Variants in DACH1 observed in about 807,000 individuals in gnomAD.
The protein encoded by DACH1 is dachshund homolog 1.
In DACH1, 12 loss-of-function variants were observed where a neutral mutation model predicts 54.2. The observed-to-expected ratio is 0.22, with a 90% CI of 0.14 to 0.36. DACH1 has a LOEUF of 0.36. DACH1 is among the 10% of genes least tolerant of loss of function. DACH1 has a pLI of 1.00. For synonymous variants in DACH1, 386 were observed against 366.2 expected (o/e 1.05, Z -0.62); for missense variants, 805 against 929.8 (o/e 0.87, Z 1.75).
intron 6 of DACH1, among the ~76,000 whole-genome samples, chr13:71,551,950 C>T (rs1872033738): frequency 6.6e-6 from 1 of 151,890 alleles, no homozygotes; most frequent in South Asian, 2.1e-4. Flanking sequence ...CATTCCCCAC[C>T]AAGCAGAATA....
intron 1 of DACH1, among the ~76,000 whole-genome samples, chr13:71,795,206 T>C (rs1362384106): frequency 6.6e-6 from 1 of 152,174 alleles, no homozygotes; most frequent in Admixed American, 6.5e-5. Flanking sequence ...TGTTTGTTTG[T>C]TTTTTAAGCT....
intron 3 of DACH1, among the ~76,000 whole-genome samples, chr13:71,630,240 AC>A (rs762417555): frequency 4.0e-4 from 61 of 152,248 alleles, no homozygotes; most frequent in East Asian, 5.8e-4. Context: ...TTTCTCTGTC[AC>A]CTTAGCTACT....
intron 1 of DACH1, among the ~76,000 whole-genome samples, chr13:71,702,463 T>TA (rs1882188716): frequency 1.3e-5 from 2 of 152,180 alleles, no homozygotes; most frequent in African/African-American, 4.8e-5. Flanking sequence ...CCTATATACT[T>TA]ACAACAGTCC....
intron 6 of DACH1, among the ~76,000 whole-genome samples, chr13:71,555,002 T>C (rs746278826): frequency 6.6e-6 from 1 of 152,212 alleles, no homozygotes; most frequent in Admixed American, 6.5e-5. Flanking sequence ...ATTCCTTTTG[T>C]ATTTTTCTCT....
intron 4 of DACH1, among the ~76,000 whole-genome samples, chr13:71,568,054 G>A (rs539478922): frequency 2.0e-5 from 3 of 151,872 alleles, no homozygotes; most frequent in African/African-American, 4.8e-5. Context: ...GTCGTTTAAC[G>A]TAATAAAGGA....
At chr13:71,493,923 TATTA>T (rs1879201116) in intron 6 of DACH1, among the ~76,000 whole-genome samples, 2 of 152,286 alleles carry the variant, frequency 1.3e-5, no homozygotes, top group East Asian at 1.9e-4. Flanking sequence ...CAGAACAAGT[TATTA>T]ATTACTTAGG....
chr13:71,728,973 TAGAC>T (rs1883609278), intron 1 of DACH1, among the ~76,000 whole-genome samples: 1 of 152,044 alleles, frequency 6.6e-6, no homozygotes, highest in African/African-American at 2.4e-5. Context: ...CTCAGTGTAA[TAGAC>T]AGTGAATGGA....
chr13:71,608,203 A>G (rs115464940), intron 3 of DACH1, among the ~76,000 whole-genome samples: 149 of 152,124 alleles, frequency 9.8e-4, no homozygotes, highest in African/African-American at 3.4e-3. Context: ...AACAGTATGT[A>G]TATTATCATG....
At chr13:71,813,713 A>G (rs1594252077) in intron 1 of DACH1, among the ~76,000 whole-genome samples, 1 of 152,166 alleles carries the variant, frequency 6.6e-6, no homozygotes, top group South Asian at 2.1e-4. Context: ...CAAGACTCAA[A>G]AGCACAAGTT....
At chr13:71,781,931 C>G (rs933192720) in intron 1 of DACH1, among the ~76,000 whole-genome samples, 3 of 152,150 alleles carry the variant, frequency 2.0e-5, no homozygotes, top group Non-Finnish European at 2.9e-5. Flanking sequence ...TGGATCAGAT[C>G]ATCCCATCTT....
intron 3 of DACH1, 94 bp from the exon 4 acceptor site, chr13:71,573,106 G>A: frequency 1.6e-6 from 2 of 1,282,480 alleles, no homozygotes; most frequent in Admixed American, 2.5e-5. Context: ...GGTAGTCAAA[G>A]AAACAATATT....
intron 1 of DACH1, among the ~76,000 whole-genome samples, chr13:71,779,191 ATATACGTATATATGTGTATAT>A (rs1382795519): frequency 4.0e-5 from 5 of 124,636 alleles, no homozygotes; most frequent in African/African-American, 1.8e-4. Context: ...ATATATACGT[ATATACGTATATATGTGTATAT>A]ATATACGTAT....
intron 6 of DACH1, among the ~76,000 whole-genome samples, chr13:71,510,700 T>C (rs1011434051): frequency 4.6e-5 from 7 of 152,068 alleles, no homozygotes; most frequent in African/African-American, 1.7e-4. Context: ...TAAGGCTTGA[T>C]TCATGTAAAT....
At chr13:71,767,195 G>T (rs1885673629) in intron 1 of DACH1, among the ~76,000 whole-genome samples, 1 of 151,734 alleles carries the variant, frequency 6.6e-6, no homozygotes, top group South Asian at 2.1e-4. Flanking sequence ...TCAATATAAT[G>T]ATTTAAGTTT....
chr13:71,542,557 T>C (rs765398956), intron 6 of DACH1, among the ~76,000 whole-genome samples: 1 of 152,152 alleles, frequency 6.6e-6, no homozygotes, highest in Non-Finnish European at 1.5e-5. Context: ...ATTTCTATTT[T>C]AAAATTTTTC....
intron 2 of DACH1, among the ~76,000 whole-genome samples, chr13:71,648,807 T>C (rs1441360584): frequency 6.6e-6 from 1 of 152,204 alleles, no homozygotes. Flanking sequence ...TGTTCAATGA[T>C]GACAGTTTCC....
chr13:71,672,299 A>G (rs1436329762), intron 2 of DACH1, among the ~76,000 whole-genome samples: 1 of 152,164 alleles, frequency 6.6e-6, no homozygotes. Context: ...AAGTTAATGA[A>G]TAAGTAGGAT....
intron 2 of DACH1, among the ~76,000 whole-genome samples, chr13:71,677,123 G>C (rs1880618811): frequency 7.7e-6 from 1 of 130,314 alleles, no homozygotes; most frequent in African/African-American, 4.4e-5. Context: ...TGGACAAGAG[G>C]GGAGTATTTT....
At chr13:71,700,861 T>G (rs540107619) in intron 1 of DACH1, among the ~76,000 whole-genome samples, 15 of 152,316 alleles carry the variant, frequency 9.8e-5, no homozygotes, top group African/African-American at 3.6e-4. Flanking sequence ...ATCTGAGCTT[T>G]TAATTAGTTA....
Sources: gnomAD v4.1 joint callset for allele counts (sites outside exome capture counted in the v4.1 genomes callset) on GRCh38, gnomAD v4.1.1 for gene constraint, MANE v1.5 for transcripts, NCBI Gene and HGNC (gene_info 2026-07-23, HGNC 2026-07-21) for gene names.